The following NCKAP5 variants were observed in gnomAD, a reference collection of about 807,000 sequenced individuals.
The protein encoded by NCKAP5 is NCK associated protein 5.
NCKAP5 carries 92 observed loss-of-function variants against 167.0 expected under a neutral mutation model. The ratio of observed to expected loss-of-function variants is 0.55; its 90% CI spans 0.47 to 0.66. The LOEUF (loss-of-function observed/expected upper bound fraction) is 0.66. Ranked by LOEUF, NCKAP5 falls within the 30% of genes least tolerant of loss-of-function variation. The pLI is 0.00. For synonymous variants in NCKAP5, 891 were observed against 877.4 expected (o/e 1.02, Z -0.27); for missense variants, 2,378 against 2,315.0 (o/e 1.03, Z -0.56).
intron 12 of NCKAP5, among the ~76,000 whole-genome samples, chr2:132,795,357 C>T (rs1347488704): frequency 6.6e-6 from 1 of 152,162 alleles, no homozygotes; most frequent in East Asian, 1.9e-4. Context: ...GCAACATTAT[C>T]TTAATTATGT....
intron 8 of NCKAP5, among the ~76,000 whole-genome samples, chr2:132,920,812 TA>T (rs2149002495): frequency 1.0e-5 from 1 of 98,488 alleles, no homozygotes; most frequent in Non-Finnish European, 2.2e-5. Context: ...TATATATATA[TA>T]TATATGGAAG....
chr2:133,474,555 T>C (rs1209301529), intron 3 of NCKAP5, among the ~76,000 whole-genome samples: 2 of 152,214 alleles, frequency 1.3e-5, no homozygotes, highest in Admixed American at 6.5e-5. Flanking sequence ...AGATTTTAAG[T>C]GTTCTCATAT....
At chr2:133,375,629 T>A (rs1469356413) in intron 3 of NCKAP5, among the ~76,000 whole-genome samples, 1 of 152,334 alleles carries the variant, frequency 6.6e-6, no homozygotes, top group East Asian at 1.9e-4. Flanking sequence ...GTGTGCATTG[T>A]TCTCATCCCC....
intron 11 of NCKAP5, among the ~76,000 whole-genome samples, chr2:132,810,124 T>C (rs1458231050): frequency 6.6e-6 from 1 of 152,240 alleles, no homozygotes; most frequent in Non-Finnish European, 1.5e-5. Flanking sequence ...CAATCCCTTC[T>C]AGCTTGTAGG....
intron 3 of NCKAP5, among the ~76,000 whole-genome samples, chr2:133,467,302 T>C (rs1325309437): frequency 6.6e-6 from 1 of 151,888 alleles, no homozygotes; most frequent in African/African-American, 2.4e-5. Context: ...GTTTATATGC[T>C]GGATTACATT....
intron 5 of NCKAP5, among the ~76,000 whole-genome samples, chr2:133,145,287 C>G (rs975874755): frequency 6.6e-6 from 1 of 151,766 alleles, no homozygotes; most frequent in African/African-American, 2.4e-5. Flanking sequence ...GTTAATTTTC[C>G]AATGAGAACA....
At position 133,539,179 on chromosome 2, in the gene NCKAP5, A is replaced by T. The variant is rs185573300; in HGVS notation, c.-62+19871T>A. Among the ~76,000 whole-genome samples, 673 of 151,958 alleles carry T rather than the reference A, an allele frequency of 4.4e-3. 4 individuals carry two copies. Among genetic ancestry groups the T allele is most frequent in the African/African-American group, 0.013 (557 of 41,446 alleles). On this transcript the variant is annotated intron_variant, in intron 2 of 19. Coordinates refer to ENST00000409261, the MANE Select transcript of NCKAP5 (RefSeq NM_207363.3). The stretch of plus-strand genomic sequence containing the variant: ...ATGGTCTCGGTCTCCTGACCTCATG[A>T]TCCACCTGCCTCGGCCTCCCAAAGT...
chr2:133,229,912 C>T (rs747149833), intron 4 of NCKAP5, among the ~76,000 whole-genome samples: 4 of 152,038 alleles, frequency 2.6e-5, no homozygotes, highest in East Asian at 1.9e-4. Flanking sequence ...AGCTCTTCCA[C>T]GTACCAGCTC....
chr2:133,070,702 A>G (rs1250145636), intron 6 of NCKAP5, among the ~76,000 whole-genome samples: 6 of 152,036 alleles, frequency 3.9e-5, no homozygotes, highest in African/African-American at 1.4e-4. Flanking sequence ...ACCCCCACAA[A>G]TTCACATACA....
Position 133,413,467 on chromosome 2 carries a change from T to C in NCKAP5, c.69+103991A>G, listed in dbSNP as rs992663007. On this transcript the variant is annotated intron_variant, in intron 3 of 19. Coordinates refer to ENST00000409261, the MANE Select transcript of NCKAP5 (RefSeq NM_207363.3). ...TGATAAGATCAGTGTATCATATCAG[T>C]GTCAATGTCCTAGTGGTGATATACT... 2.0e-5 allele frequency among the ~76,000 whole-genome samples: 3 copies of C among 152,086 alleles called. No homozygotes were observed. The South Asian group carries it at 6.2e-4, about 31-fold the overall frequency.
intron 2 of NCKAP5, among the ~76,000 whole-genome samples, chr2:133,549,380 A>C (rs1230097531): frequency 6.9e-6 from 1 of 144,138 alleles, no homozygotes; most frequent in Non-Finnish European, 1.5e-5. Context: ...AAGAACAGAA[A>C]TTATAACAAA....
At position 133,521,233 on chromosome 2, in the gene NCKAP5, C is replaced by T. The variant is rs141699186; in HGVS notation, c.-61-3646G>A. 2.7e-3 allele frequency among the ~76,000 whole-genome samples: 412 copies of T among 152,280 alleles called. 13 individuals carry two copies. Among genetic ancestry groups the T allele is most frequent in the Admixed American group, 0.025 (379 of 15,292 alleles). On this transcript the variant is annotated intron_variant, in intron 2 of 19. Coordinates refer to ENST00000409261, the MANE Select transcript of NCKAP5 (RefSeq NM_207363.3). The stretch of plus-strand genomic sequence containing the variant: ...TAAAGATGCCTGGGATTACCTGGGC[C>T]ATTTGTACCATCCATCTAACTCAAC...
chr2:133,179,292 C>A (rs1472399555), intron 5 of NCKAP5, among the ~76,000 whole-genome samples: 1 of 147,014 alleles, frequency 6.8e-6, no homozygotes, highest in Non-Finnish European at 1.5e-5. Context: ...ACATCCCTAA[C>A]CCAGAAATTC....
chr2:132,889,364 A>C (rs544283100), intron 8 of NCKAP5, among the ~76,000 whole-genome samples: 1 of 152,374 alleles, frequency 6.6e-6, no homozygotes, highest in African/African-American at 2.4e-5. Flanking sequence ...AACGAGGTGG[A>C]ACATCAATTC....
chr2:132,687,242 G>A (rs1686064363), intron 19 of NCKAP5, among the ~76,000 whole-genome samples: 1 of 152,160 alleles, frequency 6.6e-6, no homozygotes, highest in Non-Finnish European at 1.5e-5. Context: ...TCAAACCTTA[G>A]GGTCGCCTCT....
chr2:133,204,225 A>G (rs1324294551), intron 5 of NCKAP5, among the ~76,000 whole-genome samples: 2 of 152,116 alleles, frequency 1.3e-5, no homozygotes, highest in African/African-American at 4.8e-5. Flanking sequence ...TTTTATTTAA[A>G]TTTTCTATCA....
At chr2:133,508,360 A>C (rs1558738146) in intron 3 of NCKAP5, among the ~76,000 whole-genome samples, 1 of 152,214 alleles carries the variant, frequency 6.6e-6, no homozygotes, top group African/African-American at 2.4e-5. Flanking sequence ...TGTAGCCAGA[A>C]GAACAACTTC....
intron 3 of NCKAP5, among the ~76,000 whole-genome samples, chr2:133,326,755 A>T (rs1682482741): frequency 6.6e-6 from 1 of 152,154 alleles, no homozygotes; most frequent in Non-Finnish European, 1.5e-5. Context: ...GGATTTAATG[A>T]TGACTCATCT....
chr2:132,701,834 C>A lies in NCKAP5; in HGVS notation c.5713+23793G>T, dbSNP rs1189477108. Among the ~76,000 whole-genome samples, 4 of 152,244 alleles carry A rather than the reference C, an allele frequency of 2.6e-5. No individual in the cohort carries two copies. The South Asian group carries it at 8.3e-4, about 32-fold the overall frequency. On this transcript the variant is annotated intron_variant, in intron 19 of 19. Coordinates refer to ENST00000409261, the MANE Select transcript of NCKAP5 (RefSeq NM_207363.3). ...ATTATTCAAAGCACCTTTCTTTGGT[C>A]CTCAATTTAAAAATGGTGAGGTGAG...
Sources: gnomAD v4.1 joint callset for allele counts (sites outside exome capture counted in the v4.1 genomes callset) on GRCh38, gnomAD v4.1.1 for gene constraint, MANE v1.5 for transcripts, NCBI Gene and HGNC (gene_info 2026-07-23, HGNC 2026-07-21) for gene names.